The following CNTNAP5 variants were observed in gnomAD, a reference collection of about 807,000 sequenced individuals.
CNTNAP5 encodes the protein contactin-associated protein-like 5.
CNTNAP5 carries 72 observed loss-of-function variants against 150.2 expected under a neutral mutation model. That is an observed-to-expected ratio of 0.48 (90% CI 0.40 to 0.58). The LOEUF (loss-of-function observed/expected upper bound fraction) is 0.58, where lower values mean the gene tolerates loss of function less well. CNTNAP5 is among the 20% of genes least tolerant of loss of function. The probability of loss-of-function intolerance (pLI) is 0.00; values close to 1 mark genes in which losing one functional copy is unlikely to be tolerated. For synonymous variants in CNTNAP5, 672 were observed against 619.8 expected (o/e 1.08, Z -1.25); for missense variants, 1,636 against 1,626.2 (o/e 1.01, Z -0.10).
intron 1 of CNTNAP5, among the ~76,000 whole-genome samples, chr2:124,040,463 T>C (rs1681338820): frequency 1.3e-5 from 2 of 152,122 alleles, no homozygotes; most frequent in Admixed American, 1.3e-4. Flanking sequence ...GTAGTTCCTT[T>C]GGTTTTGAGG....
In CNTNAP5 at chr2:124,919,241, T is replaced by G. The variant is rs922497282; in HGVS notation, c.*4953T>G. ...GGGAGAGAAGCATTCCTCTTTTATG[T>G]TGACAATTATTTGAATCCTTCATAT... is the stretch of plus-strand genomic sequence containing the variant. On this transcript the variant is annotated 3_prime_UTR_variant, in exon 24 of 24. Coordinates refer to ENST00000682447, the MANE Select transcript of CNTNAP5 (RefSeq NM_001367498.1). 2.0e-5 allele frequency among the ~76,000 whole-genome samples: 3 copies of G among 152,122 alleles called. No individual in the cohort carries two copies. The highest frequency in any genetic ancestry group is 6.6e-5 in the Admixed American group (1 of 15,250).
intron 19 of CNTNAP5, among the ~76,000 whole-genome samples, chr2:124,860,449 TTCTTTCCTTCCTTCCTTCCTTCCTTCC>T (rs1677493794): frequency 1.8e-5 from 2 of 109,766 alleles, no homozygotes; most frequent in African/African-American, 8.3e-5. Flanking sequence ...CCTTCCTTCC[TTCTTTCCTTCCTTCCTTCCTTCCTTCC>T]TTCCTTCCTT....
intron 8 of CNTNAP5, among the ~76,000 whole-genome samples, chr2:124,505,586 A>G: frequency 6.6e-6 from 1 of 152,190 alleles, no homozygotes; most frequent in Non-Finnish European, 1.5e-5. Context: ...ATTGCCATGT[A>G]CTACAGATCT....
intron 21 of CNTNAP5, among the ~76,000 whole-genome samples, chr2:124,873,219 C>T (rs1195789096): frequency 6.6e-6 from 1 of 151,874 alleles, no homozygotes; most frequent in African/African-American, 2.4e-5. Context: ...GAGGAAGGTG[C>T]CACACAATTT....
At chr2:124,420,270 T>G (rs1692068451) in intron 4 of CNTNAP5, among the ~76,000 whole-genome samples, 1 of 151,902 alleles carries the variant, frequency 6.6e-6, no homozygotes, top group Admixed American at 6.6e-5. Context: ...ATTACAGGGG[T>G]GAGCTACTGT....
chr2:124,130,206 T>C (rs1282653696), intron 1 of CNTNAP5, among the ~76,000 whole-genome samples: 4 of 152,128 alleles, frequency 2.6e-5, no homozygotes, highest in Non-Finnish European at 5.9e-5. Context: ...TCCAAGAAAT[T>C]ACCTTTGTTT....
intron 1 of CNTNAP5, among the ~76,000 whole-genome samples, chr2:124,130,876 A>T (rs556363353): frequency 6.6e-6 from 1 of 152,182 alleles, no homozygotes; most frequent in Non-Finnish European, 1.5e-5. Context: ...TATATACAGA[A>T]TATGCATTCA....
chr2:124,674,505 CTTTCTCTTTCTTTCTT>C (rs1193847797), intron 13 of CNTNAP5, among the ~76,000 whole-genome samples: 2 of 105,978 alleles, frequency 1.9e-5, no homozygotes, highest in African/African-American at 6.7e-5. Flanking sequence ...TCCTTTCTTT[CTTTCTCTTTCTTTCTT>C]TCTTTCTTTC....
intron 6 of CNTNAP5, among the ~76,000 whole-genome samples, chr2:124,469,434 C>T (rs1259898079): frequency 1.3e-5 from 2 of 151,884 alleles, no homozygotes; most frequent in African/African-American, 2.4e-5. Flanking sequence ...ACACAAAATA[C>T]AAATGTCATT....
At chr2:124,057,180 G>T (rs924803167) in intron 1 of CNTNAP5, among the ~76,000 whole-genome samples, 18 of 151,774 alleles carry the variant, frequency 1.2e-4, no homozygotes, top group African/African-American at 4.1e-4. Context: ...TCATTTTCCT[G>T]TGCACCCTCA....
At chr2:124,587,843 A>C (rs1696571916) in intron 11 of CNTNAP5, among the ~76,000 whole-genome samples, 1 of 152,326 alleles carries the variant, frequency 6.6e-6, no homozygotes, top group African/African-American at 2.4e-5. Context: ...ACATAGTTAC[A>C]TGATGACTAT....
intron 3 of CNTNAP5, among the ~76,000 whole-genome samples, chr2:124,385,144 A>C (rs535048344): frequency 6.6e-6 from 1 of 152,326 alleles, no homozygotes; most frequent in South Asian, 2.1e-4. Flanking sequence ...AATTAAAGGT[A>C]TGAATTTGGT....
At chr2:124,692,634 G>C (rs1679321705) in intron 13 of CNTNAP5, among the ~76,000 whole-genome samples, 1 of 152,090 alleles carries the variant, frequency 6.6e-6, no homozygotes, top group Non-Finnish European at 1.5e-5. Flanking sequence ...ATGAAGGTTG[G>C]TACAAACAGA....
At chr2:124,834,517 G>A (rs753206425) in intron 19 of CNTNAP5, among the ~76,000 whole-genome samples, 157 of 152,206 alleles carry the variant, frequency 1.0e-3, no homozygotes, top group African/African-American at 3.4e-3. Flanking sequence ...GCTGTAATGG[G>A]GGGTATTGCA....
At chr2:124,616,554 T>C (rs1171732506) in intron 12 of CNTNAP5, among the ~76,000 whole-genome samples, 1 of 152,208 alleles carries the variant, frequency 6.6e-6, no homozygotes, top group Non-Finnish European at 1.5e-5. Flanking sequence ...TTTCTTATCA[T>C]TCACATGTTC....
rs372034037 is a variant in CNTNAP5 at position 124,820,581 on chromosome 2, T to C, written c.3217+22261T>C. Among the ~76,000 whole-genome samples, 233 of 152,006 alleles carry C rather than the reference T, an allele frequency of 1.5e-3. 3 individuals carry two copies. Among genetic ancestry groups the C allele is most frequent in the African/African-American group, 5.3e-3 (220 of 41,380 alleles). ...AAAAGAGAAGCAAACATTAAATAGG[T>C]ACAATCCAAAAATCCTATCAGTGGA... On this transcript the variant is annotated intron_variant, in intron 19 of 23. Transcript: ENST00000682447.
chr2:124,085,172 G>A (rs1004672912), intron 1 of CNTNAP5, among the ~76,000 whole-genome samples: 2 of 151,550 alleles, frequency 1.3e-5, no homozygotes, highest in African/African-American at 2.4e-5. Context: ...CACCTGCCTC[G>A]GCCTCTCAAA....
intron 13 of CNTNAP5, among the ~76,000 whole-genome samples, chr2:124,653,044 T>C (rs1355973517): frequency 6.6e-6 from 1 of 152,186 alleles, no homozygotes; most frequent in Admixed American, 6.5e-5. Context: ...GGAAGCAAGA[T>C]TGCCGTGAGG....
At position 124,175,997 on chromosome 2, in the gene CNTNAP5, T is replaced by C. The variant is rs906340384; in HGVS notation, c.83-45708T>C. Among the ~76,000 whole-genome samples the C allele has an allele frequency of 2.6e-5, 4 of 152,210 alleles. No individual in the cohort carries two copies. The South Asian group carries it at 8.3e-4, about 32-fold the overall frequency. ...CTGGGTCATGTGTGAATTTTCACTCTTATAAATTAAAATGTGGAAACGAAC... is the reference window on the plus strand; with the variant it reads ...CTGGGTCATGTGTGAATTTTCACTCCTATAAATTAAAATGTGGAAACGAAC... On this transcript the variant is annotated intron_variant, in intron 1 of 23. Transcript: ENST00000682447.
Sources: allele counts gnomAD v4.1 joint callset (sites outside exome capture counted in the v4.1 genomes callset), GRCh38; gene constraint gnomAD v4.1.1; transcripts MANE v1.5; gene names NCBI Gene and HGNC (gene_info 2026-07-23, HGNC 2026-07-21).